Variants in BASP1 observed in about 807,000 individuals in gnomAD.
BASP1 encodes brain abundant membrane attached signal protein 1.
Under a neutral mutation model 2.2 loss-of-function variants are expected in BASP1, and 1 was observed. The ratio of observed to expected loss-of-function variants is 0.46; its 90% CI spans 0.16 to 2.17. BASP1 has a LOEUF of 2.17. Among genes scored for constraint, BASP1 ranks in the 30% most tolerant of loss-of-function variants. BASP1 has a pLI of 0.27. For missense variants in BASP1, 352 were observed against 327.2 expected (o/e 1.08, Z -0.58); for synonymous variants, 187 against 154.2 (o/e 1.21, Z -1.58).
At chr5:17,228,734 A>G (rs1253282136) in intron 1 of BASP1, among the ~76,000 whole-genome samples, 1 of 152,200 alleles carries the variant, frequency 6.6e-6, no homozygotes, top group East Asian at 1.9e-4. Flanking sequence ...TACAAACACT[A>G]TTCCTTTAAC....
At chr5:17,266,279 G>T (rs537422965) in intron 1 of BASP1, among the ~76,000 whole-genome samples, 1 of 152,280 alleles carries the variant, frequency 6.6e-6, no homozygotes, top group Non-Finnish European at 1.5e-5. Context: ...TGGAGGAGTA[G>T]ATTTTCAGAA....
chr5:17,264,702 T>G (rs950480266), intron 1 of BASP1, among the ~76,000 whole-genome samples: 1 of 152,234 alleles, frequency 6.6e-6, no homozygotes, highest in African/African-American at 2.4e-5. Flanking sequence ...AACACTCCAG[T>G]CTCTGACACA....
intron 1 of BASP1, among the ~76,000 whole-genome samples, chr5:17,230,270 A>T (rs1251676678): frequency 1.3e-5 from 2 of 152,126 alleles, no homozygotes; most frequent in African/African-American, 4.8e-5. Flanking sequence ...CTGGATAGAG[A>T]CTTGGGGTTG....
At chr5:17,239,833 G>A (rs1255392562) in intron 1 of BASP1, among the ~76,000 whole-genome samples, 1 of 152,110 alleles carries the variant, frequency 6.6e-6, no homozygotes, top group East Asian at 1.9e-4. Context: ...CTCTTTGCTG[G>A]TAACCGTTGT....
At chr5:17,235,832 C>A (rs1379997389) in intron 1 of BASP1, among the ~76,000 whole-genome samples, 3 of 152,136 alleles carry the variant, frequency 2.0e-5, no homozygotes, top group African/African-American at 7.2e-5. Context: ...TGATTGTTTC[C>A]CATGACCCCA....
intron 1 of BASP1, among the ~76,000 whole-genome samples, chr5:17,228,231 CAGAG>C (rs1739558580): frequency 6.6e-6 from 1 of 152,306 alleles, no homozygotes; most frequent in African/African-American, 2.4e-5. Flanking sequence ...GCCATCCAGA[CAGAG>C]AGCCTGGGCT....
chr5:17,257,146 G>A (rs768018735), intron 1 of BASP1, among the ~76,000 whole-genome samples: 4 of 152,094 alleles, frequency 2.6e-5, no homozygotes, highest in Non-Finnish European at 5.9e-5. Context: ...TGTATATACT[G>A]GATGCAGGCA....
At chr5:17,270,477 G>A (rs1020798412) in intron 1 of BASP1, among the ~76,000 whole-genome samples, 1 of 152,218 alleles carries the variant, frequency 6.6e-6, no homozygotes, top group Admixed American at 6.5e-5. Flanking sequence ...TCAGAGCGAA[G>A]AAGTAGAGAT....
intron 1 of BASP1, among the ~76,000 whole-genome samples, chr5:17,248,778 T>C (rs752482899): frequency 3.9e-5 from 6 of 152,152 alleles, no homozygotes; most frequent in Non-Finnish European, 2.9e-5. Flanking sequence ...AACCATAATC[T>C]CTTAAAAAAT....
chr5:17,249,190 C>T (rs1212315614), intron 1 of BASP1, among the ~76,000 whole-genome samples: 4 of 152,052 alleles, frequency 2.6e-5, no homozygotes, highest in Non-Finnish European at 4.4e-5. Flanking sequence ...ACGCAGGAAC[C>T]GTCCCTGTTG....
At chr5:17,237,811 A>G (rs1739781487) in intron 1 of BASP1, among the ~76,000 whole-genome samples, 1 of 151,950 alleles carries the variant, frequency 6.6e-6, no homozygotes, top group Non-Finnish European at 1.5e-5. Flanking sequence ...GTGTTTCACC[A>G]TGTTGGCCAG....
intron 1 of BASP1, among the ~76,000 whole-genome samples, chr5:17,252,621 T>C (rs575771550): frequency 1.9e-4 from 29 of 152,288 alleles, no homozygotes; most frequent in Middle Eastern, 3.4e-3. Context: ...ACCTGTCTCT[T>C]TGCTCTCAGG....
intron 1 of BASP1, among the ~76,000 whole-genome samples, chr5:17,224,987 A>C (rs527364504): frequency 6.6e-6 from 1 of 152,346 alleles, no homozygotes; most frequent in Admixed American, 6.5e-5. Context: ...TCGAAACCTC[A>C]GTCCTTTGTA....
chr5:17,254,820 CAGAG>C (rs1237514002), intron 1 of BASP1, among the ~76,000 whole-genome samples: 3 of 152,136 alleles, frequency 2.0e-5, no homozygotes, highest in South Asian at 4.1e-4. Context: ...AATATAAAAA[CAGAG>C]AGAATAAATC....
At chr5:17,273,408 G>C (rs1185073566) in intron 1 of BASP1, among the ~76,000 whole-genome samples, 1 of 151,970 alleles carries the variant, frequency 6.6e-6, no homozygotes, top group Non-Finnish European at 1.5e-5. Context: ...TAAAAAAAAA[G>C]GACATGTAAG....
At chr5:17,235,484 G>A (rs1353390928) in intron 1 of BASP1, among the ~76,000 whole-genome samples, 1 of 151,936 alleles carries the variant, frequency 6.6e-6, no homozygotes, top group African/African-American at 2.4e-5. Context: ...GGATGGTCTC[G>A]ATCTCATGAC....
At chr5:17,263,141 C>T (rs529953987) in intron 1 of BASP1, among the ~76,000 whole-genome samples, 8 of 152,318 alleles carry the variant, frequency 5.3e-5, no homozygotes, top group Admixed American at 2.0e-4. Flanking sequence ...GCCACTGCAC[C>T]CAGCCCTAAT....
intron 1 of BASP1, among the ~76,000 whole-genome samples, chr5:17,220,589 C>T (rs996511501): frequency 6.6e-6 from 1 of 152,148 alleles, no homozygotes. Flanking sequence ...ATAAAAAGCA[C>T]CAACAATGAC....
In BASP1 at chr5:17,275,098, G is replaced by T; in HGVS notation, c.-9-110G>T. The T allele has an allele frequency of 1.1e-6, 1 of 905,828 alleles. No individual in the cohort carries two copies. The highest frequency in any genetic ancestry group is 1.6e-5 in the South Asian group (1 of 61,644). 56.1% of individuals were successfully genotyped at this position (905,828 alleles called of 1,614,324 possible). On this transcript the variant is annotated intron_variant, in intron 1 of 1. Coordinates refer to ENST00000322611, the MANE Select transcript of BASP1 (RefSeq NM_006317.5). This position sits in a 1 kb window ranked among gnomAD's most constrained non-coding sequence, Gnocchi z 5.3. ...TAGTTTACCATGCCACCCCTTTGGGGTGTGCAGTGCAGCAGGCCCAGAACC... is the reference window on the plus strand; with the variant it reads ...TAGTTTACCATGCCACCCCTTTGGGTTGTGCAGTGCAGCAGGCCCAGAACC...
Sources: allele counts gnomAD v4.1 joint callset (sites outside exome capture counted in the v4.1 genomes callset), GRCh38; gene constraint gnomAD v4.1.1; non-coding constraint Gnocchi (gnomAD v3.1); transcripts MANE v1.5; gene names NCBI Gene and HGNC (gene_info 2026-07-23, HGNC 2026-07-21).